Variants in MYH15 observed in about 807,000 individuals in gnomAD.
The protein encoded by MYH15 is myosin-15.
In MYH15, 227 loss-of-function variants were observed where a neutral mutation model predicts 240.5. That is an observed-to-expected ratio of 0.94 (90% confidence interval 0.85 to 1.05). The LOEUF is 1.05. Among genes scored for constraint, MYH15 ranks in the 50% least tolerant of loss-of-function variants. The pLI, the probability that MYH15 is intolerant of heterozygous loss-of-function variation, is 0.00. For synonymous variants in MYH15, 785 were observed against 796.7 expected, an observed-to-expected ratio of 0.99 and a Z score of 0.25; for missense variants, 2,217 against 2,247.5, an observed-to-expected ratio of 0.99 and a Z score of 0.27.
intron 32 of MYH15, 34 bp from the exon 33 acceptor site, chr3:108,405,487 T>C (rs763253630): frequency 7.5e-7 from 1 of 1,331,510 alleles, no homozygotes; most frequent in Non-Finnish European, 1.0e-6. Flanking sequence ...TTAAATGAAG[T>C]CCACTTTTAG....
At chr3:108,388,857 C>T (rs1463431) in intron 38 of MYH15, 113 bp downstream of exon 38, 730,574 of 800,742 alleles carry the variant, frequency 0.91, 338,651 homozygotes, top group Non-Finnish European at 0.96. Context: ...TGAAGGAGAA[C>T]AAAGATGAAG....
intron 33 of MYH15, among the ~76,000 whole-genome samples, chr3:108,400,608 A>G (rs2082496399): frequency 6.6e-6 from 1 of 152,122 alleles, no homozygotes; most frequent in South Asian, 2.1e-4. Flanking sequence ...GGGCAGATCG[A>G]GACCAGCCTG....
chr3:108,525,487 T>C (rs761798635), intron 1 of MYH15, among the ~76,000 whole-genome samples: 1 of 152,106 alleles, frequency 6.6e-6, no homozygotes, highest in Non-Finnish European at 1.5e-5. Flanking sequence ...GTTTCATTAA[T>C]TGTTTATCTC....
intron 7 of MYH15, among the ~76,000 whole-genome samples, chr3:108,494,101 G>GC (rs1560426578): frequency 6.6e-6 from 1 of 152,214 alleles, no homozygotes; most frequent in Non-Finnish European, 1.5e-5. Context: ...GAGGAAGACA[G>GC]CCTGGGGGAG....
At chr3:108,518,359 C>T (rs964096404) in intron 1 of MYH15, among the ~76,000 whole-genome samples, 1 of 152,100 alleles carries the variant, frequency 6.6e-6, no homozygotes, top group Non-Finnish European at 1.5e-5. Flanking sequence ...CACTCAAAAC[C>T]ATCTCCATCT....
intron 1 of MYH15, among the ~76,000 whole-genome samples, chr3:108,522,329 C>A (rs889886376): frequency 1.3e-5 from 2 of 151,928 alleles, no homozygotes; most frequent in Non-Finnish European, 2.9e-5. Flanking sequence ...GGTGTGGTGA[C>A]CCTGGAGATT....
At chr3:108,392,052 C>G (rs1229762358) in intron 36 of MYH15, 122 bp from the exon 37 acceptor site, 1 of 1,068,974 alleles carries the variant, frequency 9.4e-7, no homozygotes, top group Non-Finnish European at 1.4e-6. Context: ...TATGTGATCT[C>G]TTCCCATTAT....
intron 9 of MYH15, among the ~76,000 whole-genome samples, chr3:108,486,759 G>C (rs140273000): frequency 6.6e-6 from 1 of 151,978 alleles, no homozygotes; most frequent in South Asian, 2.1e-4. Context: ...TCAAAAAGCG[G>C]ATTCAATTGC....
intron 33 of MYH15, chr3:108,404,942 T>C (rs902896420): frequency 6.6e-6 from 1 of 152,610 alleles, no homozygotes; most frequent in African/African-American, 2.4e-5. Flanking sequence ...CATATAATCA[T>C]TTATTTGGTG....
intron 21 of MYH15, among the ~76,000 whole-genome samples, chr3:108,452,785 T>C (rs1364650595): frequency 6.6e-6 from 1 of 152,062 alleles, no homozygotes; most frequent in Non-Finnish European, 1.5e-5. Flanking sequence ...CAACTATATA[T>C]GTTAATTTTT....
chr3:108,513,536 T>A (rs962075463), upstream of MYH15, among the ~76,000 whole-genome samples: 2 of 152,190 alleles, frequency 1.3e-5, no homozygotes, highest in Non-Finnish European at 2.9e-5. Context: ...GGGAATCACA[T>A]AACTATGCTC....
intron 15 of MYH15, among the ~76,000 whole-genome samples, chr3:108,463,807 G>T (rs2083091268): frequency 1.3e-5 from 2 of 152,056 alleles, no homozygotes; most frequent in Non-Finnish European, 2.9e-5. Flanking sequence ...AGAAGGGAGA[G>T]AGATAGGGGA....
the MYH15 span, among the ~76,000 whole-genome samples, chr3:108,546,094 T>G: frequency 1.3e-5 from 2 of 152,176 alleles, no homozygotes; most frequent in Non-Finnish European, 2.9e-5. Context: ...GCATCTTTTT[T>G]CACATCGTTT....
At chr3:108,544,043 T>C in the MYH15 span, among the ~76,000 whole-genome samples, 2 of 152,246 alleles carry the variant, frequency 1.3e-5, no homozygotes, top group Admixed American at 6.5e-5. Context: ...CTGTATTCTC[T>C]ACAGTTTTCA....
chr3:108,439,893 T>G lies in MYH15; in HGVS notation c.2919A>C (p.Glu973Asp), dbSNP rs1310095779. 1 of 1,602,682 alleles carries G rather than the reference T, an allele frequency of 6.2e-7. No individual in the cohort carries two copies. Among genetic ancestry groups the G allele is most frequent in the Admixed American group, 1.7e-5 (1 of 57,802 alleles). ...TGATATCCTCATTTAGAAACTCTAC[T>G]TCCTCAGTCAAGTTCTTGACCTGTG... is the stretch of plus-strand genomic sequence containing the variant. Reference protein sequence around the residue: ...TEHKVKNLTEEVEFLNEDISK... With the variant: ...TEHKVKNLTEDVEFLNEDISK... The change falls in exon 24 of 41, where the codon GAA becomes GAC. Residue 973 changes from glutamate (E) to aspartate (D), a missense_variant. By Grantham distance (45) the Glu-to-Asp change is conservative (BLOSUM62 2). Transcript: ENST00000693548.
At chr3:108,531,318 C>T (rs1473278832), upstream of MYH15, among the ~76,000 whole-genome samples, 2 of 152,128 alleles carry the variant, frequency 1.3e-5, no homozygotes, top group Non-Finnish European at 2.9e-5. Context: ...TTGAGAAGGG[C>T]AGGGTGTGCT....
At chr3:108,502,517 G>T (rs1343550302) in intron 2 of MYH15, among the ~76,000 whole-genome samples, 1 of 151,916 alleles carries the variant, frequency 6.6e-6, no homozygotes, top group African/African-American at 2.4e-5. Context: ...TGATGTTGTT[G>T]TCATAATAAC....
Position 108,389,072 on chromosome 3 carries a change from A to G in MYH15, c.5433T>C (p.Val1811=), listed in dbSNP as rs781500711. The G allele has an allele frequency of 6.2e-7, 1 of 1,613,842 alleles. No individual in the cohort carries two copies. Among genetic ancestry groups the G allele is most frequent in the South Asian group, 1.1e-5 (1 of 91,042 alleles). The change falls in exon 38 of 41, where the codon GTT becomes GTC. Residue 1811 remains valine (V), a splice_region_variant and synonymous_variant. Coordinates refer to ENST00000693548, the MANE Select transcript of MYH15 (RefSeq NM_014981.3). ...RKQIQKLESR[V]RELEGELEGE... The stretch of plus-strand genomic sequence containing the variant: ...CCTCCAGTTCACCTTCCAGTTCACG[A>G]ACCTGCAACCAAAACGTGACCTCAG...
chr3:108,502,930 A>T (rs2083449369), intron 2 of MYH15, among the ~76,000 whole-genome samples: 2 of 150,480 alleles, frequency 1.3e-5, no homozygotes, highest in Non-Finnish European at 3.0e-5. Flanking sequence ...ATCTTCAAAA[A>T]CCTCCCCTTT....
Sources: gnomAD v4.1 joint callset for allele counts (sites outside exome capture counted in the v4.1 genomes callset) on GRCh38, gnomAD v4.1.1 for gene constraint, MANE v1.5 for transcripts, NCBI Gene and HGNC (gene_info 2026-07-23, HGNC 2026-07-21) for gene names.